The following MMP16 variants were observed in gnomAD, a reference collection of about 807,000 sequenced individuals.
MMP16 encodes matrix metallopeptidase 16, also known as matrix metalloproteinase-16.
Under a neutral mutation model 67.8 loss-of-function variants are expected in MMP16, and 12 were observed. That is an observed-to-expected ratio of 0.18 (90% CI 0.11 to 0.29). The LOEUF is 0.29. MMP16 is among the 10% of genes least tolerant of loss of function. MMP16 has a pLI of 1.00. For synonymous variants in MMP16, 249 were observed against 255.9 expected, an observed-to-expected ratio of 0.97 and a Z score of 0.26; for missense variants, 475 against 765.7, an observed-to-expected ratio of 0.62 and a Z score of 4.48.
intron 1 of MMP16, among the ~76,000 whole-genome samples, chr8:88,246,705 A>C (rs1036820185): frequency 4.6e-5 from 7 of 152,164 alleles, no homozygotes; most frequent in Non-Finnish European, 1.0e-4. Context: ...GTACTGAATG[A>C]GGGAATAAAT....
At chr8:88,101,382 A>G (rs143807195) in intron 6 of MMP16, among the ~76,000 whole-genome samples, 1 of 151,958 alleles carries the variant, frequency 6.6e-6, no homozygotes, top group African/African-American at 2.4e-5. Flanking sequence ...AGGAATCAAT[A>G]AACTTCAGCA....
At chr8:88,044,849 T>C (rs1365478945) in intron 9 of MMP16, among the ~76,000 whole-genome samples, 1 of 152,248 alleles carries the variant, frequency 6.6e-6, no homozygotes, top group Admixed American at 6.5e-5. Flanking sequence ...TAAACTGATG[T>C]GATCATCTTT....
intron 4 of MMP16, among the ~76,000 whole-genome samples, chr8:88,119,520 A>C (rs1807784029): frequency 6.6e-6 from 1 of 152,076 alleles, no homozygotes; most frequent in Non-Finnish European, 1.5e-5. Flanking sequence ...TGAACAAAAT[A>C]CATTTATCTT....
intron 1 of MMP16, among the ~76,000 whole-genome samples, chr8:88,201,201 A>T (rs1809339682): frequency 6.6e-6 from 1 of 151,464 alleles, no homozygotes; most frequent in African/African-American, 2.4e-5. Flanking sequence ...AAACTACTGA[A>T]TATATTAGGG....
chr8:88,047,151 G>C (rs1042048253), intron 8 of MMP16, among the ~76,000 whole-genome samples: 4 of 152,150 alleles, frequency 2.6e-5, no homozygotes, highest in Admixed American at 6.6e-5. Context: ...ATATATATCA[G>C]AGGTTTTCAT....
intron 6 of MMP16, among the ~76,000 whole-genome samples, chr8:88,096,441 T>C (rs975573832): frequency 3.3e-5 from 5 of 151,956 alleles, no homozygotes; most frequent in African/African-American, 1.2e-4. Context: ...TGAATGCTGA[T>C]GGCAATGGCA....
chr8:88,095,866 C>T (rs1017006493), intron 6 of MMP16, among the ~76,000 whole-genome samples: 25 of 151,900 alleles, frequency 1.6e-4, no homozygotes, highest in Non-Finnish European at 1.3e-4. Flanking sequence ...AAGCTAGGCG[C>T]TATGCTAGGC....
intron 1 of MMP16, among the ~76,000 whole-genome samples, chr8:88,239,996 G>A (rs934699524): frequency 2.0e-5 from 3 of 152,036 alleles, no homozygotes; most frequent in Admixed American, 2.0e-4. Flanking sequence ...TAATGCTGCC[G>A]GCCTTGAGGT....
chr8:88,211,431 T>C lies in MMP16; in HGVS notation c.133-14125A>G, dbSNP rs187979240. Among the ~76,000 whole-genome samples the C allele has an allele frequency of 1.8e-4, 27 of 152,226 alleles. No homozygotes were observed. In the East Asian group the frequency reaches 5.2e-3, roughly 29 times the overall value. On this transcript the variant is annotated intron_variant, in intron 1 of 9. Coordinates refer to ENST00000286614, the MANE Select transcript of MMP16 (RefSeq NM_005941.5). ...ACAAAAGTAAAAAGTAAGGTATTTGTTATCAAGGAGTTCATAGTTTAACCA... is the reference window on the plus strand; with the variant it reads ...ACAAAAGTAAAAAGTAAGGTATTTGCTATCAAGGAGTTCATAGTTTAACCA...
intron 6 of MMP16, among the ~76,000 whole-genome samples, chr8:88,094,644 A>C (rs17664391): frequency 0.21 from 32,114 of 151,582 alleles, 3,584 homozygotes; most frequent in Middle Eastern, 0.25. Flanking sequence ...ATACGTAGCT[A>C]TCAAGGAAAT....
intron 3 of MMP16, among the ~76,000 whole-genome samples, chr8:88,182,613 T>C (rs1050913082): frequency 1.3e-5 from 2 of 152,128 alleles, no homozygotes; most frequent in African/African-American, 2.4e-5. Flanking sequence ...CTGGTAATAA[T>C]GCAAAATGGC....
chr8:88,052,745 G>C (rs536268875), intron 8 of MMP16, among the ~76,000 whole-genome samples: 11 of 152,094 alleles, frequency 7.2e-5, no homozygotes, highest in Non-Finnish European at 7.4e-5. Flanking sequence ...CTACATTATT[G>C]CCTTTGCATG....
intron 1 of MMP16, among the ~76,000 whole-genome samples, chr8:88,211,854 T>G (rs1809517736): frequency 6.6e-6 from 1 of 152,156 alleles, no homozygotes; most frequent in Admixed American, 6.6e-5. Flanking sequence ...ATTACTATGA[T>G]TTACTTACCG....
chr8:88,142,430 T>A (rs1353780941), intron 4 of MMP16, among the ~76,000 whole-genome samples: 1 of 152,116 alleles, frequency 6.6e-6, no homozygotes, highest in Non-Finnish European at 1.5e-5. Flanking sequence ...CAGATTTACA[T>A]CTCTGCTTTA....
chr8:88,304,698 A>G (rs1811186628), intron 1 of MMP16, among the ~76,000 whole-genome samples: 1 of 152,252 alleles, frequency 6.6e-6, no homozygotes, highest in South Asian at 2.1e-4. Flanking sequence ...AGCCAAACTA[A>G]GCTTCATAAG....
Position 88,033,452 on chromosome 8 carries a change from T to C in MMP16, c.*8009A>G, listed in dbSNP as rs2118160292. ...TACACGTTTTAAAATATCTTAAAGA[T>C]AGGTTACTATACTGATGAAGCAGGC... On this transcript the variant is annotated 3_prime_UTR_variant, in exon 10 of 10. Coordinates refer to ENST00000286614, the MANE Select transcript of MMP16 (RefSeq NM_005941.5). 1 of 151,846 alleles carries C rather than the reference T, an allele frequency of 6.6e-6. No homozygotes were observed. Among genetic ancestry groups the C allele is most frequent in the South Asian group, 2.1e-4 (1 of 4,822 alleles). 9.4% of individuals were successfully genotyped at this position (151,846 alleles called of 1,614,324 possible).
At chr8:88,195,007 G>C (rs556470608) in intron 2 of MMP16, among the ~76,000 whole-genome samples, 2 of 152,026 alleles carry the variant, frequency 1.3e-5, no homozygotes, top group African/African-American at 4.8e-5. Context: ...CATTTTTACT[G>C]GTCTGGAATC....
rs1808035278 is a variant in MMP16 at position 88,034,928 on chromosome 8, A to C, written c.*6533T>G. 1 of 152,024 alleles carries C rather than the reference A, an allele frequency of 6.6e-6. No homozygotes were observed. Among genetic ancestry groups the C allele is most frequent in the South Asian group, 2.1e-4 (1 of 4,834 alleles). 9.4% of individuals were successfully genotyped at this position (152,024 alleles called of 1,614,324 possible). A position where few individuals can be genotyped will look rare whatever the true frequency, so the allele number is the denominator to read the frequency against. Reference sequence around the variant, plus strand: ...TCCTACCATGCAGTCACATCTCACCAAAGCTTCATCATATATAAAGCATGT... The same window carrying C: ...TCCTACCATGCAGTCACATCTCACCCAAGCTTCATCATATATAAAGCATGT... On this transcript the variant is annotated 3_prime_UTR_variant, in exon 10 of 10. Transcript: ENST00000286614.
chr8:88,236,190 A>T (rs1349231285), intron 1 of MMP16, among the ~76,000 whole-genome samples: 2 of 152,232 alleles, frequency 1.3e-5, no homozygotes, highest in African/African-American at 4.8e-5. Context: ...AGAACAGCAC[A>T]GTTACAGGGC....
Sources: allele counts gnomAD v4.1 joint callset (sites outside exome capture counted in the v4.1 genomes callset), GRCh38; gene constraint gnomAD v4.1.1; transcripts MANE v1.5; gene names NCBI Gene and HGNC (gene_info 2026-07-23, HGNC 2026-07-21).